The following GRB14 variants were observed in gnomAD, a reference collection of about 807,000 sequenced individuals.
GRB14 encodes growth factor receptor bound protein 14.
A neutral mutation model predicts 69.1 loss-of-function variants in GRB14; 38 were observed. The observed-to-expected ratio is 0.55, with a 90% CI of 0.42 to 0.72. The LOEUF (loss-of-function observed/expected upper bound fraction) is 0.72, where lower values mean the gene tolerates loss of function less well. GRB14 is among the 30% of genes least tolerant of loss of function. The pLI is 0.00. For missense variants in GRB14, 666 were observed against 666.1 expected (o/e 1.00, Z 0.00); for synonymous variants, 247 against 241.3 (o/e 1.02, Z -0.22).
chr2:164,510,555 A>C (rs1330169970), intron 6 of GRB14, among the ~76,000 whole-genome samples: 2 of 152,216 alleles, frequency 1.3e-5, no homozygotes, highest in Admixed American at 6.5e-5. Flanking sequence ...GTTTCTTTGC[A>C]GGTAGAAATG....
At chr2:164,612,751 C>T (rs1365882792) in intron 2 of GRB14, among the ~76,000 whole-genome samples, 2 of 152,068 alleles carry the variant, frequency 1.3e-5, no homozygotes, top group Non-Finnish European at 2.9e-5. Flanking sequence ...TTTCTCTTGA[C>T]AGAACATATT....
chr2:164,530,361 C>T lies in GRB14; in HGVS notation c.482-3226G>A, dbSNP rs531344197. On this transcript the variant is annotated intron_variant, in intron 3 of 13. Transcript: ENST00000263915. Reference sequence around the variant, plus strand: ...ACCAAGTCATTCACAAGAGACCTGCCCTCATGACCCAAACACCTCCCACTA... The same window carrying T: ...ACCAAGTCATTCACAAGAGACCTGCTCTCATGACCCAAACACCTCCCACTA... Among the ~76,000 whole-genome samples the T allele has an allele frequency of 5.9e-5, 9 of 152,210 alleles. No homozygotes were observed. In the South Asian group the frequency reaches 1.9e-3, roughly 32 times the overall value.
chr2:164,603,765 A>G (rs1485775334), intron 2 of GRB14, among the ~76,000 whole-genome samples: 1 of 152,204 alleles, frequency 6.6e-6, no homozygotes, highest in East Asian at 1.9e-4. Flanking sequence ...AGATTTAACT[A>G]AATTAAAACA....
At chr2:164,536,258 T>A (rs1039547023) in intron 3 of GRB14, among the ~76,000 whole-genome samples, 1 of 152,220 alleles carries the variant, frequency 6.6e-6, no homozygotes, top group African/African-American at 2.4e-5. Flanking sequence ...CCCAGCTCCA[T>A]GGAATTACTG....
intron 13 of GRB14, among the ~76,000 whole-genome samples, chr2:164,494,159 T>C (rs1686832075): frequency 6.6e-6 from 1 of 152,158 alleles, no homozygotes; most frequent in South Asian, 2.1e-4. Flanking sequence ...CTTTTAACAA[T>C]AGGTGGCATG....
chr2:164,574,362 C>T (rs1689196607), intron 2 of GRB14, among the ~76,000 whole-genome samples: 2 of 151,972 alleles, frequency 1.3e-5, no homozygotes, highest in Admixed American at 6.6e-5. Context: ...CTGCCTCAGC[C>T]TCCCGAGTAG....
At chr2:164,495,140 C>T (rs1386166569) in intron 12 of GRB14, among the ~76,000 whole-genome samples, 1 of 152,022 alleles carries the variant, frequency 6.6e-6, no homozygotes, top group Admixed American at 6.6e-5. Flanking sequence ...CAGGGTTTCA[C>T]CATATTGGCT....
chr2:164,591,058 G>A (rs1348768388), intron 2 of GRB14, among the ~76,000 whole-genome samples: 1 of 152,186 alleles, frequency 6.6e-6, no homozygotes, highest in South Asian at 2.1e-4. Context: ...AAAGCTGATT[G>A]GAGATTATGC....
chr2:164,605,242 G>A (rs576568175), intron 2 of GRB14, among the ~76,000 whole-genome samples: 1 of 152,240 alleles, frequency 6.6e-6, no homozygotes, highest in South Asian at 2.1e-4. Flanking sequence ...AACTGGATGA[G>A]GAGAGAGAAA....
Position 164,547,660 on chromosome 2 carries a change from C to A in GRB14, c.481G>T (p.Glu161Ter). 1 of 1,612,534 alleles carries A rather than the reference C, an allele frequency of 6.2e-7. No homozygotes were observed. The highest frequency in any genetic ancestry group is 8.5e-7 in the Non-Finnish European group (1 of 1,178,878). Reference protein sequence around the residue: ...LFEHLPHIGVERTIEDHELVI... With the variant: ...LFEHLPHIGV ...TGAGACAATAACTCCGTATCCTTAC[C>A]TACACCTATGTGAGGCAGGTGCTCA... The change falls in exon 3 of 14, where the codon GAA becomes TAA. Residue 161 changes from glutamate to a stop codon, truncating the protein, a stop_gained and splice_region_variant. Coordinates refer to ENST00000263915, the MANE Select transcript of GRB14 (RefSeq NM_004490.3). LOFTEE classifies it high-confidence loss of function.
chr2:164,523,298 T>C (rs1687682365), intron 5 of GRB14, among the ~76,000 whole-genome samples: 1 of 152,182 alleles, frequency 6.6e-6, no homozygotes, highest in East Asian at 1.9e-4. Flanking sequence ...ATGGTAATAA[T>C]TAATTGAGAC....
At chr2:164,618,808 G>A (rs1690371220) in intron 2 of GRB14, among the ~76,000 whole-genome samples, 1 of 152,112 alleles carries the variant, frequency 6.6e-6, no homozygotes, top group African/African-American at 2.4e-5. Context: ...CGGAAAAATG[G>A]CCAACTGTCT....
chr2:164,509,049 T>C (rs1368343728), intron 6 of GRB14, among the ~76,000 whole-genome samples, 197 bp from the exon 7 acceptor site: 4 of 152,174 alleles, frequency 2.6e-5, no homozygotes, highest in African/African-American at 4.8e-5. Context: ...TTTTATTTAA[T>C]TTGAGAAGTG....
At chr2:164,555,634 T>C (rs1204923049) in intron 2 of GRB14, among the ~76,000 whole-genome samples, 3 of 150,372 alleles carry the variant, frequency 2.0e-5, no homozygotes, top group Non-Finnish European at 4.4e-5. Context: ...TTAAATATTA[T>C]ATTTATTTTA....
intron 2 of GRB14, among the ~76,000 whole-genome samples, chr2:164,550,806 T>C (rs1278619878): frequency 6.6e-6 from 1 of 152,174 alleles, no homozygotes; most frequent in Non-Finnish European, 1.5e-5. Flanking sequence ...AAGAAAATGA[T>C]ATAAGAGCAC....
chr2:164,618,928 T>C (rs956359689), intron 2 of GRB14, among the ~76,000 whole-genome samples: 2 of 152,220 alleles, frequency 1.3e-5, no homozygotes, highest in African/African-American at 4.8e-5. Flanking sequence ...GGCTTCTCTT[T>C]GTTTTGCTGG....
At chr2:164,499,655 T>A (rs1264633840) in intron 9 of GRB14, among the ~76,000 whole-genome samples, 3 of 152,056 alleles carry the variant, frequency 2.0e-5, no homozygotes, top group East Asian at 1.9e-4. Flanking sequence ...TCTTTCTTTT[T>A]AAGAAAAAAA....
At chr2:164,514,049 G>A (rs1574258468) in intron 6 of GRB14, among the ~76,000 whole-genome samples, 1 of 152,300 alleles carries the variant, frequency 6.6e-6, no homozygotes, top group South Asian at 2.1e-4. Context: ...GTGTATCTAT[G>A]TAACCATTAT....
At chr2:164,501,838 C>T (rs1331310266) in intron 9 of GRB14, among the ~76,000 whole-genome samples, 1 of 151,754 alleles carries the variant, frequency 6.6e-6, no homozygotes, top group African/African-American at 2.4e-5. Context: ...GTGACAATCC[C>T]AGAATCGGTA....
Sources: gnomAD v4.1 joint callset for allele counts (sites outside exome capture counted in the v4.1 genomes callset) on GRCh38, gnomAD v4.1.1 for gene constraint, MANE v1.5 for transcripts, NCBI Gene and HGNC (gene_info 2026-07-23, HGNC 2026-07-21) for gene names.